MYRIP: variants seen among roughly 807,000 people sequenced by gnomAD.
MYRIP encodes rab effector MyRIP.
A neutral mutation model predicts 98.0 loss-of-function variants in MYRIP; 49 were observed. The ratio of observed to expected loss-of-function variants is 0.50; its 90% CI spans 0.40 to 0.63. The LOEUF (loss-of-function observed/expected upper bound fraction) is 0.63, where lower values mean the gene tolerates loss of function less well. MYRIP is among the 30% of genes least tolerant of loss of function. The probability of loss-of-function intolerance (pLI) is 0.00; values close to 1 mark genes in which losing one functional copy is unlikely to be tolerated. For synonymous variants in MYRIP, 404 were observed against 409.5 expected (o/e 0.99, Z 0.16); for missense variants, 1,004 against 1,058.2 (o/e 0.95, Z 0.71).
At chr3:39,872,649 C>T (rs537650034) in intron 1 of MYRIP, among the ~76,000 whole-genome samples, 2 of 151,804 alleles carry the variant, frequency 1.3e-5, no homozygotes, top group Admixed American at 1.3e-4. Flanking sequence ...CATCCATGTC[C>T]CTACAAAGGA....
intron 3 of MYRIP, among the ~76,000 whole-genome samples, chr3:40,125,280 C>CAATA (rs1041424680): frequency 8.5e-5 from 13 of 152,188 alleles, no homozygotes; most frequent in African/African-American, 3.1e-4. Flanking sequence ...CAAGGTCCCA[C>CAATA]AATAGGCTGT....
chr3:40,059,435 C>G lies in MYRIP; in HGVS notation c.332+15164C>G, dbSNP rs535331045. Among the ~76,000 whole-genome samples the G allele has an allele frequency of 2.0e-5, 3 of 152,298 alleles. No individual in the cohort carries two copies. In the South Asian group the frequency reaches 6.2e-4, roughly 32 times the overall value. The stretch of plus-strand genomic sequence containing the variant: ...GCGTTCCTGTTTCTCCACATCCTCT[C>G]CAGCATCTGTTGTTTCCTGACTTTT... On this transcript the variant is annotated intron_variant, in intron 3 of 16. Transcript: ENST00000302541.
At chr3:39,879,784 G>T (rs1257621444) in intron 1 of MYRIP, among the ~76,000 whole-genome samples, 1 of 152,120 alleles carries the variant, frequency 6.6e-6, no homozygotes, top group Non-Finnish European at 1.5e-5. Context: ...GGCCTCCTTG[G>T]CATCTCTCCC....
intron 3 of MYRIP, among the ~76,000 whole-genome samples, chr3:40,088,051 G>C (rs955770479): frequency 1.3e-5 from 2 of 152,146 alleles, no homozygotes; most frequent in African/African-American, 4.8e-5. Flanking sequence ...TGCAGAAAAA[G>C]GTGGGCAGCC....
chr3:39,839,695 T>C (rs1048405376), intron 1 of MYRIP, among the ~76,000 whole-genome samples: 4 of 152,192 alleles, frequency 2.6e-5, no homozygotes, highest in Middle Eastern at 3.2e-3. Flanking sequence ...TTTGTTCTCA[T>C]TGGTTGCAAA....
chr3:40,014,942 A>G (rs964996404), intron 2 of MYRIP, among the ~76,000 whole-genome samples: 6 of 152,278 alleles, frequency 3.9e-5, no homozygotes, highest in East Asian at 3.9e-4. Flanking sequence ...CTGCTCCCCA[A>G]CATACCCTGG....
At chr3:40,025,625 C>T (rs1170953151) in intron 2 of MYRIP, among the ~76,000 whole-genome samples, 2 of 152,182 alleles carry the variant, frequency 1.3e-5, no homozygotes, top group East Asian at 3.9e-4. Flanking sequence ...TCTATTTTCC[C>T]TAAGTGTCGG....
chr3:40,178,867 A>G (rs954210161), intron 8 of MYRIP, among the ~76,000 whole-genome samples: 18 of 152,024 alleles, frequency 1.2e-4, no homozygotes, highest in South Asian at 4.1e-4. Context: ...AAGTTCATCA[A>G]TGCAAGGGAT....
rs188340669 is a variant in MYRIP, at chr3:39,834,204, A to T, written c.-31+24288A>T. Among the ~76,000 whole-genome samples the T allele has an allele frequency of 3.3e-5, 5 of 152,346 alleles. No individual in the cohort carries two copies. The East Asian group carries it at 9.6e-4, about 29-fold the overall frequency. ...CTGCAGCTATTCAGCTATTTTGGTT[A>T]GGTTATGCTTAAGAGTTCTGTAACC... On this transcript the variant is annotated intron_variant, in intron 1 of 16. Coordinates refer to ENST00000302541, the MANE Select transcript of MYRIP (RefSeq NM_015460.4).
At chr3:39,855,879 TGGGAGATTTTTCACCC>T (rs1942274153) in intron 1 of MYRIP, among the ~76,000 whole-genome samples, 1 of 152,162 alleles carries the variant, frequency 6.6e-6, no homozygotes, top group Non-Finnish European at 1.5e-5. Flanking sequence ...CAATTTCAGT[TGGGAGATTTTTCACCC>T]TGCAACCCCT....
chr3:40,204,022 AT>A (rs1559451400), intron 10 of MYRIP, among the ~76,000 whole-genome samples: 3 of 6,596 alleles, frequency 4.5e-4, no homozygotes, highest in African/African-American at 7.7e-4. Context: ...TATAATATAT[AT>A]TATATATATT....
At chr3:40,042,426 A>T (rs1448808250) in intron 2 of MYRIP, among the ~76,000 whole-genome samples, 1 of 152,134 alleles carries the variant, frequency 6.6e-6, no homozygotes, top group Non-Finnish European at 1.5e-5. Context: ...GAAAAGCCTG[A>T]CAGATTTAAC....
At chr3:40,188,726 G>A (rs1445594637) in intron 9 of MYRIP, among the ~76,000 whole-genome samples, 1 of 152,104 alleles carries the variant, frequency 6.6e-6, no homozygotes, top group East Asian at 1.9e-4. Context: ...GCAGTGAGTC[G>A]AGATCGTGCC....
At chr3:39,918,459 T>G (rs1944225405) in intron 2 of MYRIP, among the ~76,000 whole-genome samples, 1 of 152,094 alleles carries the variant, frequency 6.6e-6, no homozygotes, top group South Asian at 2.1e-4. Flanking sequence ...TAACTTGTCT[T>G]TTATATCTTG....
At chr3:40,196,698 A>C (rs1037740791) in intron 10 of MYRIP, among the ~76,000 whole-genome samples, 1 of 152,204 alleles carries the variant, frequency 6.6e-6, no homozygotes, top group African/African-American at 2.4e-5. Flanking sequence ...ACAAAACTGC[A>C]TGTGTATGTA....
At chr3:39,810,227 A>C (rs186320811) in intron 1 of MYRIP, among the ~76,000 whole-genome samples, 1 of 152,234 alleles carries the variant, frequency 6.6e-6, no homozygotes, top group Non-Finnish European at 1.5e-5. Context: ...ATGGCCACGT[A>C]GTGCTTGGGC....
intron 2 of MYRIP, among the ~76,000 whole-genome samples, chr3:39,937,432 G>C (rs1944678702): frequency 6.6e-6 from 1 of 152,194 alleles, no homozygotes; most frequent in Non-Finnish European, 1.5e-5. Context: ...TCAGGCTGGG[G>C]AAAGCCTCTG....
At chr3:40,013,090 A>C (rs9825940) in intron 2 of MYRIP, among the ~76,000 whole-genome samples, 15,139 of 152,010 alleles carry the variant, frequency 0.1, 1,286 homozygotes, top group African/African-American at 0.22. Flanking sequence ...TGCAAGCTGC[A>C]TTTCTATTTT....
chr3:40,228,779 A>AGAC (rs1345875828), intron 11 of MYRIP, among the ~76,000 whole-genome samples: 1 of 152,234 alleles, frequency 6.6e-6, no homozygotes, highest in Non-Finnish European at 1.5e-5. Flanking sequence ...CACACAGGTC[A>AGAC]GCTCATCACA....
Sources: allele counts gnomAD v4.1 joint callset (sites outside exome capture counted in the v4.1 genomes callset), GRCh38; gene constraint gnomAD v4.1.1; transcripts MANE v1.5; gene names NCBI Gene and HGNC (gene_info 2026-07-23, HGNC 2026-07-21).